Variants in RANGAP1 observed in about 807,000 individuals in gnomAD.
RANGAP1 encodes Ran GTPase activating protein 1, also known as ran GTPase-activating protein 1.
A neutral mutation model predicts 63.5 loss-of-function variants in RANGAP1; 38 were observed. The observed-to-expected ratio is 0.60, with a 90% CI of 0.46 to 0.78. The LOEUF (loss-of-function observed/expected upper bound fraction) is 0.78, where lower values mean the gene tolerates loss of function less well. Among genes scored for constraint, RANGAP1 ranks in the 30% least tolerant of loss-of-function variants. The pLI is 0.00. For synonymous variants in RANGAP1, 329 were observed against 310.5 expected, an observed-to-expected ratio of 1.06 and a Z score of -0.63; for missense variants, 630 against 740.3, an observed-to-expected ratio of 0.85 and a Z score of 1.73.
intron 5 of RANGAP1, 106 bp downstream of exon 5, chr22:41,264,558 C>G (rs1569190084): frequency 1.2e-5 from 16 of 1,363,672 alleles, no homozygotes; most frequent in East Asian, 2.5e-5. Flanking sequence ...CTTTTGAAAA[C>G]AACGGCTGAC....
At chr22:41,275,115 A>T (rs927675387) in intron 2 of RANGAP1, among the ~76,000 whole-genome samples, 1 of 152,108 alleles carries the variant, frequency 6.6e-6, no homozygotes, top group Non-Finnish European at 1.5e-5. Context: ...TTTCATTGTT[A>T]AGTGATTCAT....
At chr22:41,280,788 T>G in intron 2 of RANGAP1, 145 bp downstream of exon 2, 1 of 1,526,462 alleles carries the variant, frequency 6.6e-7, no homozygotes, top group East Asian at 2.4e-5. Flanking sequence ...AGCCTCATTG[T>G]TAGAATAGGC....
chr22:41,288,215 A>G (rs2035796499), upstream of RANGAP1, among the ~76,000 whole-genome samples: 1 of 152,104 alleles, frequency 6.6e-6, no homozygotes, highest in African/African-American at 2.4e-5. Context: ...TACAAGGCCC[A>G]TGTCAAATGC....
At chr22:41,301,178 A>C in the RANGAP1 span, among the ~76,000 whole-genome samples, 1 of 152,186 alleles carries the variant, frequency 6.6e-6, no homozygotes, top group Non-Finnish European at 1.5e-5. Context: ...AGAAGGGCAC[A>C]ACGCAACCAG....
rs938580641 is a variant in RANGAP1 at position 41,285,541 on chromosome 22, C to T, written c.-39+445G>A. The T allele has an allele frequency of 1.1e-5, 11 of 985,484 alleles. No homozygotes were observed. The Admixed American group carries it at 3.7e-4, about 33-fold the overall frequency. 61.0% of individuals were successfully genotyped at this position (985,484 alleles called of 1,614,324 possible). ...CTCCTGCAAAGCGTCAGCAGTGACT[C>T]ACATCGATTCCAGGGACAGCGGCGC... On this transcript the variant is annotated intron_variant, in intron 1 of 15. Transcript: ENST00000356244.
At chr22:41,291,369 G>T in the RANGAP1 span, among the ~76,000 whole-genome samples, 1 of 151,864 alleles carries the variant, frequency 6.6e-6, no homozygotes, top group South Asian at 2.1e-4. Flanking sequence ...AGGCCGAGGT[G>T]GGCAGATCAC....
At position 41,286,120 on chromosome 22, in the gene RANGAP1, A is replaced by T. The variant is rs1229755866; in HGVS notation, c.-173T>A. On this transcript the variant is annotated 5_prime_UTR_variant, in exon 1 of 16. Transcript: ENST00000356244. Reference sequence around the variant, plus strand: ...CAGCGGTCCAGATGTCCAGCCGGCTAGTCTGTTAGCTCTCTCGAGCTCCCG... The same window carrying T: ...CAGCGGTCCAGATGTCCAGCCGGCTTGTCTGTTAGCTCTCTCGAGCTCCCG... The T allele has an allele frequency of 6.6e-6, 1 of 152,306 alleles. No individual in the cohort carries two copies. The highest frequency in any genetic ancestry group is 1.5e-5 in the Non-Finnish European group (1 of 68,080). The allele number at this position is 152,306 out of a possible 1,614,324, so 9.4% of individuals were successfully genotyped here. A position where few individuals can be genotyped will look rare whatever the true frequency, so the allele number is the denominator to read the frequency against.
intron 11 of RANGAP1, 126 bp downstream of exon 11, chr22:41,254,182 C>A: frequency 1.0e-6 from 1 of 970,144 alleles, no homozygotes. Flanking sequence ...CAATATCATG[C>A]AATCAAAAAA....
chr22:41,255,822 T>C (rs1164468301), intron 10 of RANGAP1, among the ~76,000 whole-genome samples, 199 bp downstream of exon 10: 2 of 151,778 alleles, frequency 1.3e-5, no homozygotes, highest in African/African-American at 2.4e-5. Flanking sequence ...GGTGTGGTGG[T>C]GGGTGCCTGT....
intron 5 of RANGAP1, 125 bp downstream of exon 5, chr22:41,264,539 G>C: frequency 8.1e-7 from 1 of 1,235,622 alleles, no homozygotes; most frequent in Non-Finnish European, 1.1e-6. Flanking sequence ...TTGCCTTTGA[G>C]GCCTTTCTCT....
chr22:41,248,302 G>C (rs769824983), intron 15 of RANGAP1, among the ~76,000 whole-genome samples: 16 of 152,252 alleles, frequency 1.1e-4, no homozygotes, highest in Non-Finnish European at 1.6e-4. Context: ...ACCAAGGCCA[G>C]TCCAGCTGCA....
intron 2 of RANGAP1, among the ~76,000 whole-genome samples, chr22:41,275,142 C>T (rs1261975372): frequency 1.3e-5 from 2 of 152,060 alleles, no homozygotes. Context: ...GGTGTTTGTC[C>T]ACTACTGTAC....
At chr22:41,252,504 C>T (rs1045791093) in intron 12 of RANGAP1, among the ~76,000 whole-genome samples, 6 of 152,006 alleles carry the variant, frequency 3.9e-5, no homozygotes, top group African/African-American at 7.3e-5. Context: ...GCAATAGGCA[C>T]GTCACTTCCA....
At chr22:41,298,461 C>T in the RANGAP1 span, among the ~76,000 whole-genome samples, 6 of 152,118 alleles carry the variant, frequency 3.9e-5, no homozygotes, top group East Asian at 1.9e-4. Context: ...ATTACAGGTG[C>T]GTGCCACCAC....
At chr22:41,298,006 C>T in the RANGAP1 span, among the ~76,000 whole-genome samples, 1 of 152,016 alleles carries the variant, frequency 6.6e-6, no homozygotes, top group African/African-American at 2.4e-5. Context: ...CACAGGCGCC[C>T]GTGACCACGC....
At chr22:41,290,172 G>C (rs1433449519), upstream of RANGAP1, among the ~76,000 whole-genome samples, 1 of 149,596 alleles carries the variant, frequency 6.7e-6, no homozygotes, top group African/African-American at 2.4e-5. Flanking sequence ...GAGAGAGAGA[G>C]AGAGAGAAAG....
At chr22:41,280,670 C>T in intron 2 of RANGAP1, 1 of 1,406,808 alleles carries the variant, frequency 7.1e-7, no homozygotes, top group South Asian at 1.2e-5. Context: ...ACTGTGGCCC[C>T]TCATTACCTA....
chr22:41,250,656 C>CT (rs1177051246), intron 13 of RANGAP1, among the ~76,000 whole-genome samples: 2 of 152,184 alleles, frequency 1.3e-5, no homozygotes, highest in Non-Finnish European at 2.9e-5. Context: ...AGCACAGAAG[C>CT]TCCAAGGTGT....
intron 12 of RANGAP1, among the ~76,000 whole-genome samples, chr22:41,252,437 TATGAATGA>T (rs1429729190): frequency 3.9e-5 from 6 of 152,140 alleles, no homozygotes; most frequent in Admixed American, 3.9e-4. Context: ...GAAGATCATC[TATGAATGA>T]ATGAATGAGC....
Sources: allele counts gnomAD v4.1 joint callset (sites outside exome capture counted in the v4.1 genomes callset), GRCh38; gene constraint gnomAD v4.1.1; transcripts MANE v1.5; gene names NCBI Gene and HGNC (gene_info 2026-07-23, HGNC 2026-07-21).